ZFHX3: variants seen among roughly 807,000 people sequenced by gnomAD.
The protein encoded by ZFHX3 is zinc finger homeobox 3.
Under a neutral mutation model 279.1 loss-of-function variants are expected in ZFHX3, and 42 were observed. That is an observed-to-expected ratio of 0.15 (90% CI 0.12 to 0.19). ZFHX3 has a LOEUF of 0.19. Among genes scored for constraint, ZFHX3 ranks in the 10% least tolerant of loss-of-function variants. ZFHX3 has a pLI of 1.00. For synonymous variants in ZFHX3, 2,293 were observed against 1,957.8 expected (o/e 1.17, Z -4.52); for missense variants, 4,981 against 4,754.0 (o/e 1.05, Z -1.40).
At chr16:73,119,785 T>G (rs568795896) in intron 7 of ZFHX3, among the ~76,000 whole-genome samples, 1 of 152,334 alleles carries the variant, frequency 6.6e-6, no homozygotes, top group East Asian at 1.9e-4. Flanking sequence ...TGAGTTCAAG[T>G]GGCTGGCTTC....
At chr16:73,518,813 A>G (rs1470383364) in intron 2 of ZFHX3, among the ~76,000 whole-genome samples, 1 of 152,216 alleles carries the variant, frequency 6.6e-6, no homozygotes, top group African/African-American at 2.4e-5. Context: ...AAAGCATTGG[A>G]TAGGCACTTG....
chr16:73,618,805 T>C (rs1364930455), intron 2 of ZFHX3, among the ~76,000 whole-genome samples: 2 of 152,192 alleles, frequency 1.3e-5, no homozygotes, highest in African/African-American at 2.4e-5. Flanking sequence ...TTGGTACCAA[T>C]TGATTCAATC....
chr16:73,758,597 A>G (rs538630289), intron 1 of ZFHX3, among the ~76,000 whole-genome samples: 1 of 152,220 alleles, frequency 6.6e-6, no homozygotes, highest in Non-Finnish European at 1.5e-5. Context: ...TATTTTAATT[A>G]CAGCTTTGCT....
intron 5 of ZFHX3, among the ~76,000 whole-genome samples, chr16:72,820,891 C>G (rs150628317): frequency 6.6e-6 from 1 of 152,100 alleles, no homozygotes; most frequent in Non-Finnish European, 1.5e-5. Flanking sequence ...TTCTAGGATC[C>G]GGCCAAAGTT....
intron 1 of ZFHX3, among the ~76,000 whole-genome samples, chr16:73,756,553 C>T (rs919386840): frequency 6.6e-6 from 1 of 152,108 alleles, no homozygotes; most frequent in African/African-American, 2.4e-5. Context: ...TCCCGCCCTT[C>T]ACTGGGGAGG....
intron 1 of ZFHX3, among the ~76,000 whole-genome samples, chr16:72,999,080 G>A (rs16971492): frequency 0.03 from 4,639 of 152,226 alleles, 243 homozygotes; most frequent in African/African-American, 0.11. Flanking sequence ...AATTATTTCT[G>A]CCCTAGTCAC....
At chr16:73,123,715 G>A (rs1966527168) in intron 7 of ZFHX3, 1 of 152,086 alleles carries the variant, frequency 6.6e-6, no homozygotes, top group African/African-American at 2.4e-5. Context: ...TTAATATGTT[G>A]AAACCTAATC....
intron 5 of ZFHX3, among the ~76,000 whole-genome samples, chr16:72,819,050 ATTTTACT>A (rs1252678345): frequency 6.6e-6 from 1 of 152,144 alleles, no homozygotes; most frequent in African/African-American, 2.4e-5. Flanking sequence ...TATTATTACG[ATTTTACT>A]TTTTGTTTGG....
chr16:73,712,243 G>A (rs1051111764), intron 1 of ZFHX3, among the ~76,000 whole-genome samples: 2 of 152,122 alleles, frequency 1.3e-5, no homozygotes, highest in Non-Finnish European at 2.9e-5. Flanking sequence ...ACGAAGGCCC[G>A]TGCCTGGGCA....
At chr16:73,277,282 C>T (rs899817479) in intron 4 of ZFHX3, among the ~76,000 whole-genome samples, 1 of 152,136 alleles carries the variant, frequency 6.6e-6, no homozygotes, top group Non-Finnish European at 1.5e-5. Context: ...ATTTAATTTT[C>T]AGAATGAACT....
chr16:73,249,935 C>G (rs567258655), intron 5 of ZFHX3, among the ~76,000 whole-genome samples: 21 of 152,168 alleles, frequency 1.4e-4, no homozygotes, highest in Non-Finnish European at 2.8e-4. Flanking sequence ...CCACCTTGGC[C>G]AACATTGAAG....
intron 8 of ZFHX3, among the ~76,000 whole-genome samples, chr16:73,069,560 A>C (rs73596708): frequency 0.024 from 3,616 of 152,246 alleles, 123 homozygotes; most frequent in African/African-American, 0.083. Flanking sequence ...AAATGAGAGA[A>C]AAACAGAATG....
intron 3 of ZFHX3, among the ~76,000 whole-genome samples, chr16:72,930,285 C>T (rs566854638): frequency 9.9e-5 from 15 of 152,170 alleles, no homozygotes; most frequent in South Asian, 2.1e-4. Context: ...CACAGCTTCT[C>T]GCCCATTTTT....
At chr16:73,877,183 T>A (rs1179228290) in intron 1 of ZFHX3, among the ~76,000 whole-genome samples, 1 of 67,412 alleles carries the variant, frequency 1.5e-5, no homozygotes, top group Non-Finnish European at 2.8e-5. Flanking sequence ...ACGAGATGGT[T>A]GGGTTCGGGG....
At chr16:73,596,430 C>T (rs1052408753) in intron 2 of ZFHX3, among the ~76,000 whole-genome samples, 2 of 152,094 alleles carry the variant, frequency 1.3e-5, no homozygotes, top group Non-Finnish European at 2.9e-5. Context: ...GCTCCTGTCT[C>T]TCTCTAGCTT....
intron 4 of ZFHX3, among the ~76,000 whole-genome samples, chr16:73,268,878 T>C (rs568384857): frequency 3.4e-4 from 51 of 152,218 alleles, no homozygotes; most frequent in Non-Finnish European, 2.8e-4. Context: ...CTATTTACTG[T>C]GGGCAACTGC....
At chr16:72,916,932 T>C (rs1292715059) in intron 3 of ZFHX3, among the ~76,000 whole-genome samples, 1 of 151,838 alleles carries the variant, frequency 6.6e-6, no homozygotes, top group East Asian at 1.9e-4. Flanking sequence ...GGAAAGACAG[T>C]TCTAAGCTTA....
At chr16:73,012,406 A>T (rs1963946585) in intron 1 of ZFHX3, among the ~76,000 whole-genome samples, 1 of 103,808 alleles carries the variant, frequency 9.6e-6, no homozygotes, top group Non-Finnish European at 1.8e-5. Context: ...AACCATATGG[A>T]ATCACCATTT....
At chr16:73,251,094 A>G (rs2013472974) in intron 5 of ZFHX3, among the ~76,000 whole-genome samples, 1 of 152,194 alleles carries the variant, frequency 6.6e-6, no homozygotes, top group Non-Finnish European at 1.5e-5. Context: ...AAGCTGCTAC[A>G]TTAAACTACG....
Sources: allele counts gnomAD v4.1 joint callset (sites outside exome capture counted in the v4.1 genomes callset), GRCh38; gene constraint gnomAD v4.1.1; transcripts MANE v1.5; gene names NCBI Gene and HGNC (gene_info 2026-07-23, HGNC 2026-07-21).